Variants in TSC22D1 observed in about 807,000 individuals in gnomAD.
TSC22D1 encodes the protein TSC22 domain family protein 1.
In TSC22D1, 9 loss-of-function variants were observed where a neutral mutation model predicts 74.2. The ratio of observed to expected loss-of-function variants is 0.12; its 90% confidence interval spans 0.07 to 0.21. The LOEUF (loss-of-function observed/expected upper bound fraction) is 0.21. Ranked by LOEUF, TSC22D1 falls within the 10% of genes least tolerant of loss-of-function variation. The pLI is 1.00. For synonymous variants in TSC22D1, 586 were observed against 492.5 expected (o/e 1.19, Z -2.51); for missense variants, 1,427 against 1,304.7 (o/e 1.09, Z -1.44).
intron 1 of TSC22D1, among the ~76,000 whole-genome samples, chr13:44,463,053 C>T (rs1877085809): frequency 6.6e-6 from 1 of 152,128 alleles, no homozygotes; most frequent in South Asian, 2.1e-4. Flanking sequence ...TTAATACTTT[C>T]TTTCTTTCCC....
intron 1 of TSC22D1, among the ~76,000 whole-genome samples, chr13:44,447,427 T>C (rs979088819): frequency 1.8e-4 from 27 of 152,348 alleles, no homozygotes; most frequent in African/African-American, 6.3e-4. Context: ...TGTTCTATCA[T>C]TATATAAAAT....
At chr13:44,508,154 T>TA (rs1398309129) in intron 1 of TSC22D1, among the ~76,000 whole-genome samples, 2 of 152,214 alleles carry the variant, frequency 1.3e-5, no homozygotes, top group Non-Finnish European at 2.9e-5. Flanking sequence ...TTCAGTACTA[T>TA]AAATGACCAG....
rs1454995316 is a variant in TSC22D1, at chr13:44,574,241, G to A, written c.1834C>T (p.Pro612Ser). The A allele has an allele frequency of 1.9e-6, 3 of 1,614,120 alleles. No individual in the cohort carries two copies. In the Admixed American group the frequency reaches 5.0e-5, roughly 27 times the overall value. The change falls in exon 1 of 3, where the codon CCT becomes TCT. Residue 612 changes from proline to serine, a missense_variant. By Grantham distance (74) the Pro-to-Ser change is moderately conservative. Coordinates refer to ENST00000458659, the MANE Select transcript of TSC22D1 (RefSeq NM_183422.4). ...QPQLPYSQAAPPVQTPLPGAP... is the reference protein window; with the variant it reads ...QPQLPYSQAASPVQTPLPGAP... The stretch of plus-strand genomic sequence containing the variant: ...CCTGGAAGGGGAGTTTGCACTGGAG[G>A]AGCCGCCTGAGAATATGGTAGCTGG...
intron 1 of TSC22D1, among the ~76,000 whole-genome samples, chr13:44,552,213 C>T (rs551581962): frequency 6.6e-6 from 1 of 152,332 alleles, no homozygotes; most frequent in East Asian, 1.9e-4. Context: ...CAAGGTTTCT[C>T]CATTTTTGAC....
At chr13:44,525,795 C>CAAAAAAAAAAAA (rs59399056) in intron 1 of TSC22D1, among the ~76,000 whole-genome samples, 1 of 88,552 alleles carries the variant, frequency 1.1e-5, no homozygotes, top group Non-Finnish European at 2.6e-5. Context: ...TAGCTTTTAA[C>CAAAAAAAAAAAA]AAAAAAAAAA....
chr13:44,525,290 G>A (rs1880495728), intron 1 of TSC22D1, among the ~76,000 whole-genome samples: 2 of 152,136 alleles, frequency 1.3e-5, no homozygotes, highest in South Asian at 4.1e-4. Context: ...TGAAAGAATG[G>A]TAAGGCTCAG....
intron 2 of TSC22D1, 106 bp downstream of exon 2, chr13:44,435,938 A>G (rs957551941): frequency 8.5e-7 from 1 of 1,173,146 alleles, no homozygotes; most frequent in Admixed American, 2.0e-5. Flanking sequence ...ACGCGCATCA[A>G]GAGCAATCAT....
intron 1 of TSC22D1, among the ~76,000 whole-genome samples, chr13:44,447,418 G>T (rs1415948358): frequency 1.3e-5 from 2 of 151,972 alleles, no homozygotes; most frequent in Admixed American, 6.5e-5. Flanking sequence ...ATAACTAATT[G>T]TTCTATCATT....
rs1881172439 is a variant in TSC22D1 at position 44,536,942 on chromosome 13, AAAAAAAAAAAAAAAAAAC to A, written c.2912+36203_2912+36220del. 4 of 913,000 alleles carry A rather than the reference AAAAAAAAAAAAAAAAAAC, an allele frequency of 4.4e-6. No individual in the cohort carries two copies. The African/African-American group carries it at 8.2e-5, about 19-fold the overall frequency. 56.6% of individuals were successfully genotyped at this position (913,000 alleles called of 1,614,324 possible). ...TATTTTTCTGAAAAAAAAAAAAAAA[AAAAAAAAAAAAAAAAAAC>A]AAAAAAAACTAACACACAGAAAGAA... On this transcript the variant is annotated intron_variant, in intron 1 of 2. Coordinates refer to ENST00000458659, the MANE Select transcript of TSC22D1 (RefSeq NM_183422.4).
intron 1 of TSC22D1, among the ~76,000 whole-genome samples, chr13:44,459,689 GCAGTTCCTGGCAT>G (rs1251106468): frequency 6.6e-6 from 1 of 152,208 alleles, no homozygotes; most frequent in Non-Finnish European, 1.5e-5. Flanking sequence ...TTGGGGCTCT[GCAGTTCCTGGCAT>G]CTCCAAGCTT....
intron 1 of TSC22D1, among the ~76,000 whole-genome samples, chr13:44,497,978 C>A (rs1446191136): frequency 1.3e-5 from 2 of 152,078 alleles, no homozygotes; most frequent in African/African-American, 4.8e-5. Flanking sequence ...CTAGCCCCTT[C>A]CTATCCCTCT....
chr13:44,538,548 TA>T, intron 1 of TSC22D1: 1 of 985,406 alleles, frequency 1.0e-6, no homozygotes, highest in Non-Finnish European at 1.2e-6. Flanking sequence ...GAGCCGCTTT[TA>T]AAAGAAAGGA....
At position 44,575,793 on chromosome 13, in the gene TSC22D1, C is replaced by G; in HGVS notation, c.282G>C (p.Gln94His). Residue 94 changes from glutamine to histidine, a missense_variant, in exon 1 of 3, where the codon CAG (glutamine) becomes CAC (histidine). Gln to His is a conservative substitution (Grantham distance 24, BLOSUM62 0). Around this residue, in one of 3 missense-constraint regions of TSC22D1, gnomAD observed 1,343 missense variants for 1,191.5 expected, o/e 1.13. Transcript: ENST00000458659. ...TTCCGCCTGGCGCAAGAGGCTGTGC[C>G]TGCAGCTGAGCCTGCGAAAGGAGGT... ...SLNLLSQAQL[Q>H]AQPLAPGGTQ... The G allele has an allele frequency of 6.2e-7, 1 of 1,613,138 alleles. No individual in the cohort carries two copies. The highest frequency in any genetic ancestry group is 8.5e-7 in the Non-Finnish European group (1 of 1,179,724).
rs2138834131 is a variant in TSC22D1 at position 44,433,021 on chromosome 13, C to T, written c.*1605G>A. On this transcript the variant is annotated 3_prime_UTR_variant, in exon 3 of 3. Coordinates refer to ENST00000458659, the MANE Select transcript of TSC22D1 (RefSeq NM_183422.4). ...CTTTTGCTTAGACAAAACGAATTAT[C>T]CCAGGAGCTAGAAACTCATCCTACA... The T allele has an allele frequency of 6.6e-6, 1 of 152,294 alleles. No individual in the cohort carries two copies. The highest frequency in any genetic ancestry group is 1.9e-4 in the East Asian group (1 of 5,180). 9.4% of individuals were successfully genotyped at this position (152,294 alleles called of 1,614,324 possible).
At chr13:44,445,018 C>T (rs1459219687) in intron 1 of TSC22D1, among the ~76,000 whole-genome samples, 3 of 152,070 alleles carry the variant, frequency 2.0e-5, no homozygotes, top group Non-Finnish European at 4.4e-5. Context: ...TCTATACAAA[C>T]TCTTCCAGAG....
At chr13:44,507,715 G>C (rs1181312408) in intron 1 of TSC22D1, among the ~76,000 whole-genome samples, 1 of 152,150 alleles carries the variant, frequency 6.6e-6, no homozygotes, top group Admixed American at 6.5e-5. Context: ...TGAAGTAGAA[G>C]ATTCCCAAGA....
chr13:44,506,781 G>C (rs1006001264), intron 1 of TSC22D1, among the ~76,000 whole-genome samples: 10 of 152,184 alleles, frequency 6.6e-5, no homozygotes, highest in African/African-American at 2.2e-4. Flanking sequence ...GACCAGTAAG[G>C]TGTCTCCACA....
intron 1 of TSC22D1, among the ~76,000 whole-genome samples, chr13:44,493,572 A>G (rs984156658): frequency 6.6e-6 from 1 of 152,168 alleles, no homozygotes; most frequent in Non-Finnish European, 1.5e-5. Flanking sequence ...AAAAGCTGCC[A>G]TGTGTTACTG....
intron 1 of TSC22D1, among the ~76,000 whole-genome samples, chr13:44,499,636 C>G (rs1879133897): frequency 6.6e-6 from 1 of 152,138 alleles, no homozygotes; most frequent in Non-Finnish European, 1.5e-5. Flanking sequence ...GCATTTCCCC[C>G]AAGTTAATAT....
Sources: gnomAD v4.1 joint callset for allele counts (sites outside exome capture counted in the v4.1 genomes callset) on GRCh38, gnomAD v4.1.1 for gene constraint, gnomAD v4.1.1 regional missense constraint, MANE v1.5 for transcripts, NCBI Gene and HGNC (gene_info 2026-07-23, HGNC 2026-07-21) for gene names.